The following NKAIN1 variants were observed in gnomAD, a reference collection of about 807,000 sequenced individuals.
NKAIN1 encodes sodium/potassium transporting ATPase interacting 1, also known as sodium/potassium-transporting ATPase subunit beta-1-interacting protein 1.
A neutral mutation model predicts 31.6 loss-of-function variants in NKAIN1; 13 were observed. The ratio of observed to expected loss-of-function variants is 0.41; its 90% confidence interval spans 0.27 to 0.65. The LOEUF is 0.65. NKAIN1 is among the 30% of genes least tolerant of loss of function. NKAIN1 has a pLI of 0.30. For missense variants in NKAIN1, 193 were observed against 262.2 expected (o/e 0.74, Z 1.82); for synonymous variants, 104 against 109.0 (o/e 0.95, Z 0.28).
At chr1:31,205,475 AT>A (rs1171782316) in intron 1 of NKAIN1, among the ~76,000 whole-genome samples, 2 of 152,014 alleles carry the variant, frequency 1.3e-5, no homozygotes, top group Non-Finnish European at 2.9e-5. Context: ...TGCCCAGATA[AT>A]TTTTGTATTT....
chr1:31,219,156 A>T (rs1645542114), intron 1 of NKAIN1, among the ~76,000 whole-genome samples: 1 of 152,266 alleles, frequency 6.6e-6, no homozygotes, highest in African/African-American at 2.4e-5. Flanking sequence ...TAATAGACTT[A>T]ATGGTCTGGT....
chr1:31,219,829 CCT>C (rs1464189542), intron 1 of NKAIN1, among the ~76,000 whole-genome samples: 1 of 152,148 alleles, frequency 6.6e-6, no homozygotes, highest in Non-Finnish European at 1.5e-5. Flanking sequence ...AGCAAATTCC[CCT>C]GTTGGTTCCC....
At position 31,190,810 on chromosome 1, in the gene NKAIN1, T is replaced by A. The variant is rs1011168815; in HGVS notation, c.55-2623A>T. On this transcript the variant is annotated intron_variant, in intron 1 of 6. Coordinates refer to ENST00000373736, the MANE Select transcript of NKAIN1 (RefSeq NM_024522.3). ...TGCTCCTATCCCACACTTCCTCCAC[T>A]CCACTCTTCCTCCTTCCACCCTGAC... Among the ~76,000 whole-genome samples, 4 of 152,174 alleles carry A rather than the reference T, an allele frequency of 2.6e-5. No individual in the cohort carries two copies. In the East Asian group the frequency reaches 5.8e-4, roughly 22 times the overall value.
intron 1 of NKAIN1, among the ~76,000 whole-genome samples, chr1:31,195,521 G>A (rs965919850): frequency 6.6e-6 from 1 of 152,010 alleles, no homozygotes; most frequent in Non-Finnish European, 1.5e-5. Flanking sequence ...CTTCTCAGGA[G>A]CCCACACCAT....
chr1:31,189,110 C>G (rs985030627), intron 1 of NKAIN1, among the ~76,000 whole-genome samples: 1 of 152,086 alleles, frequency 6.6e-6, no homozygotes, highest in Non-Finnish European at 1.5e-5. Context: ...CCCAGCTGAC[C>G]TGCTGGAGGA....
At chr1:31,195,341 T>C in intron 1 of NKAIN1, among the ~76,000 whole-genome samples, 1 of 151,250 alleles carries the variant, frequency 6.6e-6, no homozygotes, top group East Asian at 2.0e-4. Context: ...AGGCTGGTCT[T>C]GAACTCTCGA....
chr1:31,222,215 C>G (rs899962333), intron 1 of NKAIN1, among the ~76,000 whole-genome samples: 2 of 152,138 alleles, frequency 1.3e-5, no homozygotes, highest in Non-Finnish European at 2.9e-5. Context: ...CAGGCTGGGT[C>G]CAGGGCAGTC....
At chr1:31,203,318 T>G (rs2148356270) in intron 1 of NKAIN1, among the ~76,000 whole-genome samples, 1 of 110,088 alleles carries the variant, frequency 9.1e-6, no homozygotes, top group East Asian at 2.2e-4. Context: ...ACACTGTGGA[T>G]GTCCCTCAGA....
chr1:31,183,932 G>T lies in NKAIN1; in HGVS notation c.356C>A (p.Pro119His), dbSNP rs1326636982. 4 of 1,614,148 alleles carry T rather than the reference G, an allele frequency of 2.5e-6. No individual in the cohort carries two copies. The Admixed American group carries it at 6.7e-5, about 27-fold the overall frequency. The change falls in exon 4 of 7, where the codon CCT becomes CAT. Residue 119 changes from proline to histidine, a missense_variant. Transcript: ENST00000373736. ...MENGPGCLVT[P>H]VLNSRLALED... ...CAGAGCCAGGCGGGAGTTCAGAACA[G>T]GTGTCACCAGGCAGCCTGGCCCATT...
At chr1:31,193,003 T>TAA (rs200283569) in intron 1 of NKAIN1, among the ~76,000 whole-genome samples, 2 of 145,250 alleles carry the variant, frequency 1.4e-5, no homozygotes, top group Non-Finnish European at 3.0e-5. Flanking sequence ...CCATCTCTAT[T>TAA]AAAAAAAAAA....
At chr1:31,222,204 G>T (rs1475999498) in intron 1 of NKAIN1, among the ~76,000 whole-genome samples, 3 of 152,170 alleles carry the variant, frequency 2.0e-5, no homozygotes, top group African/African-American at 7.2e-5. Flanking sequence ...GATTGCTTGC[G>T]CAGGCTGGGT....
chr1:31,185,561 A>G (rs1273935259), intron 2 of NKAIN1, among the ~76,000 whole-genome samples: 9 of 152,190 alleles, frequency 5.9e-5, no homozygotes, highest in Non-Finnish European at 1.5e-5. Flanking sequence ...ACTGAAAGGA[A>G]GTTTAAGGTT....
intron 1 of NKAIN1, among the ~76,000 whole-genome samples, chr1:31,231,827 G>A (rs1217080480): frequency 6.6e-6 from 1 of 152,182 alleles, no homozygotes; most frequent in African/African-American, 2.4e-5. Flanking sequence ...ACTGCACCTG[G>A]CGAGTTCAAT....
intron 1 of NKAIN1, among the ~76,000 whole-genome samples, chr1:31,216,381 T>C (rs1289575500): frequency 6.6e-6 from 1 of 152,204 alleles, no homozygotes; most frequent in Non-Finnish European, 1.5e-5. Context: ...GAATCATAGC[T>C]AATGCTTACC....
chr1:31,234,387 C>A (rs931403196), intron 1 of NKAIN1, among the ~76,000 whole-genome samples: 2 of 152,148 alleles, frequency 1.3e-5, no homozygotes, highest in Non-Finnish European at 2.9e-5. Context: ...ATAACGACAT[C>A]AATCAGGTTG....
rs1569593509 is a variant in NKAIN1, at chr1:31,233,725, A to C, written c.54+5769T>G. Among the ~76,000 whole-genome samples, 1 of 152,224 alleles carries C rather than the reference A, an allele frequency of 6.6e-6. No individual in the cohort carries two copies. Among genetic ancestry groups the C allele is most frequent in the Non-Finnish European group, 1.5e-5 (1 of 68,038 alleles). ...GGCTGACGTGACTTGTCCAAGTCTC[A>C]AGGCAAATCATAGCTAGCCCTGGAG... On this transcript the variant is annotated intron_variant, in intron 1 of 6. Transcript: ENST00000373736. The surrounding 1 kb of genome is among the most constrained non-coding windows in gnomAD (Gnocchi z 4.0).
In NKAIN1 at chr1:31,200,248, C is replaced by T. The variant is rs544993345; in HGVS notation, c.55-12061G>A. Among the ~76,000 whole-genome samples, 9 of 152,292 alleles carry T rather than the reference C, an allele frequency of 5.9e-5. No homozygotes were observed. In the East Asian group the frequency reaches 9.7e-4, roughly 16 times the overall value. On this transcript the variant is annotated intron_variant, in intron 1 of 6. Transcript: ENST00000373736. The stretch of plus-strand genomic sequence containing the variant: ...AGCAAGCTGCAGAGCAACATGATTC[C>T]GTTCGTGTAAACACCTCCCCTAAAA...
At chr1:31,210,530 CCACCCGCCTTGGCCT>C (rs1645459749) in intron 1 of NKAIN1, among the ~76,000 whole-genome samples, 2 of 152,196 alleles carry the variant, frequency 1.3e-5, no homozygotes, top group Admixed American at 1.3e-4. Context: ...CTCAGGTGAT[CCACCCGCCTTGGCCT>C]CCCAAAGTGC....
chr1:31,232,471 A>AGAGAGAGT (rs1645661791), intron 1 of NKAIN1, among the ~76,000 whole-genome samples: 2 of 112,142 alleles, frequency 1.8e-5, no homozygotes, highest in Admixed American at 9.0e-5. Context: ...AGAGAGAGAG[A>AGAGAGAGT]GTGGGGGAGG....
Sources: gnomAD v4.1 joint callset for allele counts (sites outside exome capture counted in the v4.1 genomes callset) on GRCh38, gnomAD v4.1.1 for gene constraint, Gnocchi (gnomAD v3.1) non-coding constraint, MANE v1.5 for transcripts, NCBI Gene and HGNC (gene_info 2026-07-23, HGNC 2026-07-21) for gene names.